Variants in TPTE observed in about 807,000 individuals in gnomAD.
TPTE encodes the protein putative tyrosine-protein phosphatase TPTE.
A neutral mutation model predicts 84.1 loss-of-function variants in TPTE; 59 were observed. The observed-to-expected ratio is 0.70, with a 90% CI of 0.57 to 0.87. The LOEUF (loss-of-function observed/expected upper bound fraction) is 0.87, where lower values mean the gene tolerates loss of function less well. Among genes scored for constraint, TPTE ranks in the 40% least tolerant of loss-of-function variants. The probability of loss-of-function intolerance (pLI) is 0.00; values close to 1 mark genes in which losing one functional copy is unlikely to be tolerated. For synonymous variants in TPTE, 130 were observed against 223.5 expected (o/e 0.58, Z 3.73); for missense variants, 382 against 659.6 (o/e 0.58, Z 4.61).
chr21:10,596,791 G>C (rs2075597282), intron 20 of TPTE, among the ~76,000 whole-genome samples: 1 of 152,310 alleles, frequency 6.6e-6, no homozygotes, highest in African/African-American at 2.4e-5. Flanking sequence ...CAGGATGCTG[G>C]TGTCCACACA....
chr21:10,601,608 C>T (rs551571685), intron 21 of TPTE, among the ~76,000 whole-genome samples: 2 of 152,426 alleles, frequency 1.3e-5, no homozygotes, highest in Admixed American at 6.5e-5. Flanking sequence ...TAATCCAGTA[C>T]TTTGGGAGAC....
At chr21:10,524,164 C>T (rs1021134345) in intron 1 of TPTE, among the ~76,000 whole-genome samples, 2 of 152,312 alleles carry the variant, frequency 1.3e-5, no homozygotes, top group African/African-American at 4.8e-5. Flanking sequence ...GAGGTGAGGT[C>T]TCTGAGCAAG....
At chr21:10,539,872 G>A (rs1222658449) in intron 4 of TPTE, among the ~76,000 whole-genome samples, 7 of 152,304 alleles carry the variant, frequency 4.6e-5, no homozygotes, top group African/African-American at 9.6e-5. Flanking sequence ...AACCGGGTGT[G>A]GTGGCAGGCA....
chr21:10,532,397 C>G (rs1027091422), intron 3 of TPTE, among the ~76,000 whole-genome samples: 1 of 152,304 alleles, frequency 6.6e-6, no homozygotes, highest in African/African-American at 2.4e-5. Flanking sequence ...TCTGTTTGTT[C>G]TTGATTATTA....
At chr21:10,524,958 C>CTG (rs2074052485) in intron 2 of TPTE, among the ~76,000 whole-genome samples, 5 of 152,304 alleles carry the variant, frequency 3.3e-5, no homozygotes, top group African/African-American at 1.2e-4. Flanking sequence ...AAAAACAAAC[C>CTG]AAGCCTCATT....
intron 17 of TPTE, among the ~76,000 whole-genome samples, chr21:10,585,241 C>CAAAA (rs61644136): frequency 1.4e-5 from 2 of 144,204 alleles, no homozygotes; most frequent in Non-Finnish European, 1.5e-5. Flanking sequence ...AAAAATGAAA[C>CAAAA]AAAAAAAAAA....
At chr21:10,540,045 AAAC>A in intron 4 of TPTE, among the ~76,000 whole-genome samples, 1 of 152,268 alleles carries the variant, frequency 6.6e-6, no homozygotes, top group African/African-American at 2.4e-5. Flanking sequence ...CAAAAACAAA[AAAC>A]CAAAACAAAA....
At chr21:10,556,428 C>T (rs1489606808) in intron 8 of TPTE, among the ~76,000 whole-genome samples, 8 of 152,306 alleles carry the variant, frequency 5.3e-5, no homozygotes, top group Non-Finnish European at 8.8e-5. Flanking sequence ...ACATTTTCTT[C>T]ATCCAGTCTA....
At chr21:10,597,571 C>T (rs568501379) in intron 20 of TPTE, among the ~76,000 whole-genome samples, 95 of 152,192 alleles carry the variant, frequency 6.2e-4, no homozygotes, top group Admixed American at 4.4e-3. Flanking sequence ...TGTGCCACCA[C>T]GCCTGGCTAA....
intron 17 of TPTE, 48 bp downstream of exon 17, chr21:10,578,653 T>C (rs757413016): frequency 1.9e-6 from 3 of 1,611,754 alleles, no homozygotes; most frequent in East Asian, 4.5e-5. Flanking sequence ...GACATGTAAA[T>C]ATACATAAAG....
chr21:10,532,633 T>C (rs1385352659), intron 3 of TPTE, among the ~76,000 whole-genome samples: 2 of 152,310 alleles, frequency 1.3e-5, no homozygotes, highest in Non-Finnish European at 1.5e-5. Context: ...GCTTATATAT[T>C]GGTAAATTTT....
At chr21:10,586,213 C>CT (rs1378536778) in intron 17 of TPTE, among the ~76,000 whole-genome samples, 2 of 152,296 alleles carry the variant, frequency 1.3e-5, no homozygotes, top group African/African-American at 4.8e-5. Flanking sequence ...AAGTTTTCCT[C>CT]TAAGAATTGC....
At chr21:10,559,369 T>G in intron 8 of TPTE, 125 bp from the exon 9 acceptor site, 1 of 1,438,702 alleles carries the variant, frequency 7.0e-7, no homozygotes, top group South Asian at 1.3e-5. Context: ...AAAAAGCATT[T>G]TGTTATACAA....
chr21:10,540,665 A>G (rs1014411819), intron 4 of TPTE: 15 of 519,038 alleles, frequency 2.9e-5, no homozygotes, highest in African/African-American at 7.7e-5. Context: ...CCACTCTCAC[A>G]TGGGATGGAG....
intron 17 of TPTE, among the ~76,000 whole-genome samples, chr21:10,585,241 C>CAAAAAAAAAAAAAAAAGAA (rs61644136): frequency 6.9e-6 from 1 of 144,204 alleles, no homozygotes; most frequent in African/African-American, 2.5e-5. Flanking sequence ...AAAAATGAAA[C>CAAAAAAAAAAAAAAAAGAA]AAAAAAAAAA....
Position 10,569,534 on chromosome 21 carries a change from C to A in TPTE, c.664C>A (p.Arg222=), listed in dbSNP as rs76723236. 9.4e-6 allele frequency: 15 copies of A among 1,603,184 alleles called. No homozygotes were observed. In the South Asian group the frequency reaches 9.9e-5, roughly 11 times the overall value. ...ACAACTTGAAAAGCTGATAAGAAGGCGGGTAAGTGGGCAAAACATGCTTAT... is the reference window on the plus strand; with the variant it reads ...ACAACTTGAAAAGCTGATAAGAAGGAGGGTAAGTGGGCAAAACATGCTTAT... ...KRQLEKLIRR[R]VSENKRRYTR... is the part of the protein sequence containing the mutation. The change falls in exon 12 of 24, where the codon CGG becomes AGG. Residue 222 remains arginine (R), a splice_region_variant and synonymous_variant. Coordinates refer to ENST00000618007, the MANE Select transcript of TPTE (RefSeq NM_199261.4).
chr21:10,555,495 C>T (rs1311230267), intron 8 of TPTE, among the ~76,000 whole-genome samples: 3 of 152,304 alleles, frequency 2.0e-5, no homozygotes, highest in Non-Finnish European at 4.4e-5. Context: ...CGTGAGCCAC[C>T]GCGCCTGGCC....
At chr21:10,569,615 C>G (rs62212562) in intron 12 of TPTE, 68 bp from the exon 13 acceptor site, 67,887 of 1,526,554 alleles carry the variant, frequency 0.044, no homozygotes, top group South Asian at 0.063. Context: ...GATATCTATA[C>G]TGTATAATGT....
chr21:10,568,257 C>A (rs1371003204), intron 11 of TPTE, among the ~76,000 whole-genome samples: 1 of 152,312 alleles, frequency 6.6e-6, no homozygotes, highest in Non-Finnish European at 1.5e-5. Context: ...ATTTTTCCTA[C>A]AGCCAAGAGG....
Sources: gnomAD v4.1 joint callset for allele counts (sites outside exome capture counted in the v4.1 genomes callset) on GRCh38, gnomAD v4.1.1 for gene constraint, MANE v1.5 for transcripts, NCBI Gene and HGNC (gene_info 2026-07-23, HGNC 2026-07-21) for gene names.